Variants in JAG2 observed in about 807,000 individuals in gnomAD.
JAG2 encodes protein jagged-2.
In JAG2, 46 loss-of-function variants were observed where a neutral mutation model predicts 141.7. That is an observed-to-expected ratio of 0.32 (90% CI 0.26 to 0.42). The LOEUF is 0.42. Ranked by LOEUF, JAG2 falls within the 10% of genes least tolerant of loss-of-function variation. The pLI is 1.00. For synonymous variants in JAG2, 862 were observed against 763.5 expected (o/e 1.13, Z -2.13); for missense variants, 1,500 against 1,817.5 (o/e 0.83, Z 3.18).
intron 2 of JAG2, among the ~76,000 whole-genome samples, chr14:105,160,438 C>T (rs1424500645): frequency 6.7e-6 from 1 of 150,134 alleles, no homozygotes; most frequent in African/African-American, 2.5e-5. Context: ...TGGCATTTGG[C>T]TCCTTCCTTC....
chr14:105,146,735 A>G lies in JAG2; in HGVS notation c.2480-11T>C, dbSNP rs766183392. 6.2e-7 allele frequency: 1 copy of G among 1,600,634 alleles called. No individual in the cohort carries two copies. The highest frequency in any genetic ancestry group is 8.6e-7 in the Non-Finnish European group (1 of 1,169,574). On this transcript the variant is annotated splice_polypyrimidine_tract_variant and intron_variant, in intron 20 of 25. Coordinates refer to ENST00000331782, the MANE Select transcript of JAG2 (RefSeq NM_002226.5). ...GGCACTCGTCGATGTCTGCAGGGAG[A>G]GCCACCGCTGCTCAGTGCAGTGAGG...
chr14:105,162,307 G>C (rs757062100), intron 2 of JAG2, among the ~76,000 whole-genome samples: 2 of 146,926 alleles, frequency 1.4e-5, no homozygotes, highest in African/African-American at 4.9e-5. Context: ...AAGCAGACCC[G>C]CAGCCCAACT....
At position 105,147,829 on chromosome 14, in the gene JAG2, C is replaced by T. The variant is rs999556315; in HGVS notation, c.2308G>A (p.Gly770Arg). 3.2e-6 allele frequency: 5 copies of T among 1,550,336 alleles called. No homozygotes were observed. The highest frequency in any genetic ancestry group is 1.4e-5 in the African/African-American group (1 of 73,072). ...CGGCAGATGCAGGAGAAGGAGGCCCCGCTGCCCACGCAGGTGCCACCATTC... is the reference window on the plus strand; with the variant it reads ...CGGCAGATGCAGGAGAAGGAGGCCCTGCTGCCCACGCAGGTGCCACCATTC... ...CVNGGTCVGS[G>R]ASFSCICRDG... The change falls in exon 18 of 26, where the codon GGG (glycine) becomes AGG (arginine). Residue 770 changes from glycine (G) to arginine (R), a missense_variant. Gly to Arg is a moderately radical substitution (Grantham distance 125). Coordinates refer to ENST00000331782, the MANE Select transcript of JAG2 (RefSeq NM_002226.5).
At chr14:105,145,170 GGA>G in intron 23 of JAG2, 109 bp from the exon 24 acceptor site, 2 of 1,454,780 alleles carry the variant, frequency 1.4e-6, no homozygotes, top group South Asian at 2.4e-5. Flanking sequence ...AGCCCGCCCA[GGA>G]GAGCACAGCA....
intron 2 of JAG2, among the ~76,000 whole-genome samples, chr14:105,162,798 T>C (rs375208782): frequency 4.2e-5 from 4 of 96,362 alleles, no homozygotes; most frequent in African/African-American, 1.9e-4. Flanking sequence ...ACCCCAAAGC[T>C]CAGGGCACTC....
At chr14:105,156,086 G>A (rs1888575236) in intron 3 of JAG2, 97 bp from the exon 4 acceptor site, 5 of 1,471,430 alleles carry the variant, frequency 3.4e-6, no homozygotes, top group Non-Finnish European at 4.6e-6. Context: ...TGCGGCTGCT[G>A]CAAGGCCGGG....
chr14:105,147,723 C>T, intron 18 of JAG2, 49 bp downstream of exon 18: 1 of 1,350,472 alleles, frequency 7.4e-7, no homozygotes, highest in Non-Finnish European at 1.0e-6. Flanking sequence ...GCAGGGATGT[C>T]ATCTGGGTGG....
Position 105,142,400 on chromosome 14 carries a change from G to A in JAG2, c.*295C>T, listed in dbSNP as rs1002305740. 17 of 384,952 alleles carry A rather than the reference G, an allele frequency of 4.4e-5. No homozygotes were observed. Among genetic ancestry groups the A allele is most frequent in the African/African-American group, 3.2e-4 (15 of 47,182 alleles). 23.8% of individuals were successfully genotyped at this position (384,952 alleles called of 1,614,324 possible). ...CACAACCTCTGGTAACAAACGCTAC[G>A]ATTTGGTGACGACGCAGACACCCTT... is the stretch of plus-strand genomic sequence containing the variant. On this transcript the variant is annotated 3_prime_UTR_variant, in exon 26 of 26. Transcript: ENST00000331782.
rs1207510693 is a variant in JAG2 at position 105,154,944 on chromosome 14, G to C, written c.788+618C>G. On this transcript the variant is annotated intron_variant, in intron 5 of 25. Transcript: ENST00000331782. This position sits in a 1 kb window ranked among gnomAD's most constrained non-coding sequence, Gnocchi z 4.4. ...TGGGCTCCACCCCAGGATGTCTGCAGGACCCGTGCGCCTCTCCCCCTTCCA... is the reference window on the plus strand; with the variant it reads ...TGGGCTCCACCCCAGGATGTCTGCACGACCCGTGCGCCTCTCCCCCTTCCA... 6.6e-6 allele frequency among the ~76,000 whole-genome samples: 1 copy of C among 150,912 alleles called. No individual in the cohort carries two copies.
chr14:105,144,345 C>G (rs759474674), intron 24 of JAG2, among the ~76,000 whole-genome samples: 5 of 152,112 alleles, frequency 3.3e-5, no homozygotes, highest in Non-Finnish European at 7.4e-5. Context: ...CAGCAGCACC[C>G]ATCCATGTCC....
In JAG2 at chr14:105,151,998, C is replaced by G. The variant is rs762540989; in HGVS notation, c.979G>C (p.Glu327Gln). ...CTNGGTCINA[E>Q]PDQYRCTCPD... ...CAGGTGCAGCGGTACTGGTCAGGCT[C>G]GGCGTTGATGCACGTGCCTCCGTTG... The change falls in exon 7 of 26, where the codon GAG (glutamate) becomes CAG (glutamine). Residue 327 changes from glutamate (E) to glutamine (Q), a missense_variant. Transcript: ENST00000331782. The G allele has an allele frequency of 6.2e-7, 1 of 1,613,358 alleles. No homozygotes were observed. Among genetic ancestry groups the G allele is most frequent in the Non-Finnish European group, 8.5e-7 (1 of 1,179,998 alleles).
At position 105,142,807 on chromosome 14, in the gene JAG2, G is replaced by A. The variant is rs375144905; in HGVS notation, c.3605C>T (p.Thr1202Ile). 9.3e-6 allele frequency: 15 copies of A among 1,610,690 alleles called. No homozygotes were observed. Among genetic ancestry groups the A allele is most frequent in the Admixed American group, 5.0e-5 (3 of 59,878 alleles). Reference sequence around the variant, plus strand: ...CCCCGGCGAGCGGCCAGGATCTTTGGTGAATTTGTGTGAGAGGAACTTCTC... The same window carrying A: ...CCCCGGCGAGCGGCCAGGATCTTTGATGAATTTGTGTGAGAGGAACTTCTC... Reference protein sequence around the residue: ...EAEKFLSHKFTKDPGRSPGRP... With the variant: ...EAEKFLSHKFIKDPGRSPGRP... The change falls in exon 26 of 26, where the codon ACC becomes ATC. Residue 1202 changes from threonine to isoleucine, a missense_variant. This residue lies in a region of JAG2 where 425 missense variants were observed against 441.0 expected (regional missense o/e 0.96). Transcript: ENST00000331782.
Position 105,149,177 on chromosome 14 carries a change from G to C in JAG2, c.1746C>G (p.Ala582=). The change falls in exon 13 of 26, where the codon GCC becomes GCG. Residue 582 remains alanine, a synonymous_variant. Transcript: ENST00000331782. ...SVPREPCPGG[A]CRVIDGCGSD... ...CCATGCCGCACCCAGCACCTCTGCA[G>C]GCCCCGCCAGGGCACGGCTCGCGGG... 1 of 1,540,062 alleles carries C rather than the reference G, an allele frequency of 6.5e-7. No homozygotes were observed. The highest frequency in any genetic ancestry group is 2.5e-5 in the East Asian group (1 of 39,956).
intron 18 of JAG2, 26 bp from the exon 19 acceptor site, chr14:105,147,553 G>A: frequency 1.9e-6 from 3 of 1,608,468 alleles, no homozygotes; most frequent in Non-Finnish European, 2.6e-6. Flanking sequence ...AGAACGCAGG[G>A]GATCAGTACC....
At chr14:105,155,714 C>T (rs1888560892) in intron 4 of JAG2, 24 bp downstream of exon 4, 1 of 1,612,484 alleles carries the variant, frequency 6.2e-7, no homozygotes, top group Non-Finnish European at 8.5e-7. Flanking sequence ...CCCTGCCCTC[C>T]ACGCAGCCCA....
Position 105,142,895 on chromosome 14 carries a change from C to T in JAG2, c.3517G>A (p.Ala1173Thr), listed in dbSNP as rs1266124676. The T allele has an allele frequency of 1.3e-6, 2 of 1,599,332 alleles. No individual in the cohort carries two copies. Among genetic ancestry groups the T allele is most frequent in the African/African-American group, 2.7e-5 (2 of 74,654 alleles). ...TCGTCCTCCTCATCCTCCCTGACGG[C>T]CGCGTGGCCGGCCGGCCCGGGCAGC... is the stretch of plus-strand genomic sequence containing the variant. ...EALPGPAGHA[A>T]VREDEEDEDL... The change falls in exon 26 of 26, where the codon GCC becomes ACC. Residue 1173 changes from alanine (A) to threonine (T), a missense_variant. By Grantham distance (58) the Ala-to-Thr change is moderately conservative. Around this residue, in one of 3 missense-constraint regions of JAG2, gnomAD observed 425 missense variants for 441.0 expected, o/e 0.96. Transcript: ENST00000331782.
rs1888960833 is a variant in JAG2, at chr14:105,167,667, G to T, written c.417+90C>A. ...GCGCGCGCGGCTCGCACGCAGACCC[G>T]GCCGCAGGTGTTGGGGGTCGCGAAG... On this transcript the variant is annotated intron_variant, in intron 2 of 25. Transcript: ENST00000331782. This position sits in a 1 kb window ranked among gnomAD's most constrained non-coding sequence, Gnocchi z 4.8. 4 of 1,246,504 alleles carry T rather than the reference G, an allele frequency of 3.2e-6. No individual in the cohort carries two copies. The highest frequency in any genetic ancestry group is 4.0e-6 in the Non-Finnish European group (4 of 996,270). 77.2% of individuals were successfully genotyped at this position (1,246,504 alleles called of 1,614,324 possible).
intron 17 of JAG2, 92 bp from the exon 18 acceptor site, chr14:105,147,980 A>G (rs1405110015): frequency 7.5e-6 from 9 of 1,195,124 alleles, no homozygotes; most frequent in Non-Finnish European, 1.1e-5. Context: ...CAGGGCAGAC[A>G]GACCCGGGGG....
rs587736097 is a variant in JAG2 at position 105,146,323 on chromosome 14, G to A, written c.2709+62C>T. On this transcript the variant is annotated intron_variant, in intron 22 of 25. Transcript: ENST00000331782. Reference sequence around the variant, plus strand: ...AGCACCCGCCTCCTGATCTCACAGAGTGGCCAGGGTCAGCGTGCACCAGCC... The same window carrying A: ...AGCACCCGCCTCCTGATCTCACAGAATGGCCAGGGTCAGCGTGCACCAGCC... 1.1e-5 allele frequency: 15 copies of A among 1,397,650 alleles called. No individual in the cohort carries two copies. In the South Asian group the frequency reaches 1.6e-4, roughly 15 times the overall value. The allele number at this position is 1,397,650 out of a possible 1,614,324, so 86.6% of individuals were successfully genotyped here. A position where few individuals can be genotyped will look rare whatever the true frequency, so the allele number is the denominator to read the frequency against.
Sources: gnomAD v4.1 joint callset for allele counts (sites outside exome capture counted in the v4.1 genomes callset) on GRCh38, gnomAD v4.1.1 for gene constraint, gnomAD v4.1.1 regional missense constraint, Gnocchi (gnomAD v3.1) non-coding constraint, MANE v1.5 for transcripts, NCBI Gene and HGNC (gene_info 2026-07-23, HGNC 2026-07-21) for gene names.